The following NDST4 variants were observed in gnomAD, a reference collection of about 807,000 sequenced individuals.
The protein encoded by NDST4 is N-deacetylase and N-sulfotransferase 4.
A neutral mutation model predicts 100.8 loss-of-function variants in NDST4; 63 were observed. The observed-to-expected ratio is 0.62, with a 90% CI of 0.51 to 0.77. NDST4 has a LOEUF of 0.77. Ranked by LOEUF, NDST4 falls within the 30% of genes least tolerant of loss-of-function variation. The pLI is 0.00. For missense variants in NDST4, 943 were observed against 1,018.4 expected, an observed-to-expected ratio of 0.93 and a Z score of 1.01; for synonymous variants, 377 against 361.8, an observed-to-expected ratio of 1.04 and a Z score of -0.48.
chr4:114,858,817 A>G (rs1723856735), intron 7 of NDST4, among the ~76,000 whole-genome samples: 1 of 152,158 alleles, frequency 6.6e-6, no homozygotes, highest in African/African-American at 2.4e-5. Context: ...GGAAGATTCC[A>G]CCAGGAGACA....
chr4:114,845,353 C>A (rs941011921), intron 10 of NDST4, among the ~76,000 whole-genome samples: 1 of 152,088 alleles, frequency 6.6e-6, no homozygotes, highest in Non-Finnish European at 1.5e-5. Flanking sequence ...ATTATTTTCA[C>A]ATAAGTTGTT....
intron 2 of NDST4, among the ~76,000 whole-genome samples, chr4:114,986,899 T>C (rs992077706): frequency 6.7e-6 from 1 of 148,176 alleles, no homozygotes; most frequent in Admixed American, 6.8e-5. Context: ...AATTTTTTTG[T>C]CTTGTAAAAA....
intron 2 of NDST4, among the ~76,000 whole-genome samples, chr4:114,988,076 G>A (rs1726951101): frequency 6.6e-6 from 1 of 151,984 alleles, no homozygotes; most frequent in African/African-American, 2.4e-5. Context: ...TTGTTAAGGA[G>A]CTTCAAATAA....
At chr4:115,019,779 A>G (rs1727769324) in intron 2 of NDST4, among the ~76,000 whole-genome samples, 2 of 152,070 alleles carry the variant, frequency 1.3e-5, no homozygotes, top group South Asian at 2.1e-4. Flanking sequence ...GAATAATGCT[A>G]GTATTGGGGG....
chr4:114,985,096 T>C (rs17047545), intron 2 of NDST4, among the ~76,000 whole-genome samples: 4,069 of 152,294 alleles, frequency 0.027, 123 homozygotes, highest in African/African-American at 0.067. Context: ...GAGTGAATGC[T>C]TCTGATGACA....
intron 6 of NDST4, among the ~76,000 whole-genome samples, chr4:114,918,050 T>C (rs1725211229): frequency 6.6e-6 from 1 of 152,180 alleles, no homozygotes; most frequent in Non-Finnish European, 1.5e-5. Context: ...GCTCTCATAG[T>C]CCAGTTTTAG....
intron 1 of NDST4, among the ~76,000 whole-genome samples, chr4:115,091,532 A>G (rs1729519070): frequency 6.6e-6 from 1 of 152,286 alleles, no homozygotes; most frequent in Middle Eastern, 3.4e-3. Context: ...AATTGTGGCT[A>G]CAATTTCCAC....
chr4:114,911,185 C>T (rs1205031831), intron 6 of NDST4, among the ~76,000 whole-genome samples: 4 of 152,016 alleles, frequency 2.6e-5, no homozygotes, highest in African/African-American at 9.7e-5. Context: ...TGGCCTAGTT[C>T]GCATTGCGTG....
At chr4:114,910,021 G>C (rs1037568735) in intron 6 of NDST4, among the ~76,000 whole-genome samples, 1 of 152,096 alleles carries the variant, frequency 6.6e-6, no homozygotes, top group Non-Finnish European at 1.5e-5. Flanking sequence ...AGCTTATCTT[G>C]TCTGTTAAAC....
At position 115,088,091 on chromosome 4, in the gene NDST4, C is replaced by T. The variant is rs976336387; in HGVS notation, c.-246-10809G>A. ...CATTATTTTATTTCTATTTCCCCAACTTATACTATTTTGATGATTTCAATA... is the reference window on the plus strand; with the variant it reads ...CATTATTTTATTTCTATTTCCCCAATTTATACTATTTTGATGATTTCAATA... On this transcript the variant is annotated intron_variant, in intron 1 of 13. Coordinates refer to ENST00000264363, the MANE Select transcript of NDST4 (RefSeq NM_022569.3). Among the ~76,000 whole-genome samples the T allele has an allele frequency of 1.5e-4, 23 of 151,914 alleles. No homozygotes were observed. The East Asian group carries it at 4.3e-3, about 28-fold the overall frequency.
At position 115,076,288 on chromosome 4, in the gene NDST4, T is replaced by C. The variant is rs1329871294; in HGVS notation, c.749A>G (p.Lys250Arg). 2 of 1,613,984 alleles carry C rather than the reference T, an allele frequency of 1.2e-6. No homozygotes were observed. The highest frequency in any genetic ancestry group is 3.3e-5 in the Admixed American group (2 of 60,006). ...CTGAATCACCGTTGCAAAGAGTGTTTTGCTAGACAAGGATGACAGGGATTT... is the reference window on the plus strand; with the variant it reads ...CTGAATCACCGTTGCAAAGAGTGTTCTGCTAGACAAGGATGACAGGGATTT... The part of the protein sequence containing the change: ...TEKSLSSLSS[K>R]TLFATVIQDL... The change falls in exon 2 of 14, where the codon AAA becomes AGA. Residue 250 changes from lysine to arginine, a missense_variant. Lys to Arg is a conservative substitution (Grantham distance 26). Transcript: ENST00000264363.
chr4:115,053,380 A>C (rs998962392), intron 2 of NDST4, among the ~76,000 whole-genome samples: 1 of 152,158 alleles, frequency 6.6e-6, no homozygotes, highest in Admixed American at 6.6e-5. Context: ...CTTTACATTT[A>C]AGTAATTTTC....
At chr4:114,888,516 T>TA in intron 6 of NDST4, among the ~76,000 whole-genome samples, 1 of 152,196 alleles carries the variant, frequency 6.6e-6, no homozygotes. Flanking sequence ...GACTGCCTTA[T>TA]AATGCTCATT....
chr4:115,038,803 C>A (rs1728287721), intron 2 of NDST4, among the ~76,000 whole-genome samples: 1 of 152,050 alleles, frequency 6.6e-6, no homozygotes. Flanking sequence ...TAGTAAAACC[C>A]TGTGTCCACA....
intron 2 of NDST4, among the ~76,000 whole-genome samples, chr4:115,067,609 A>G (rs538932): frequency 0.24 from 36,541 of 151,688 alleles, 5,884 homozygotes; most frequent in East Asian, 0.46. Context: ...TCTGTTCATA[A>G]CAACCTGTCT....
At chr4:115,084,841 T>C (rs1435266958) in intron 1 of NDST4, among the ~76,000 whole-genome samples, 1 of 149,730 alleles carries the variant, frequency 6.7e-6, no homozygotes, top group African/African-American at 2.5e-5. Flanking sequence ...GAACCTCTTC[T>C]AGGACAGTGT....
In NDST4 at chr4:115,077,068, C is replaced by A; in HGVS notation, c.-32G>T. The A allele has an allele frequency of 6.5e-7, 1 of 1,548,538 alleles. No individual in the cohort carries two copies. The highest frequency in any genetic ancestry group is 1.3e-5 in the South Asian group (1 of 79,124). On this transcript the variant is annotated 5_prime_UTR_variant, in exon 2 of 14. Coordinates refer to ENST00000264363, the MANE Select transcript of NDST4 (RefSeq NM_022569.3). ...GAATAATGTTTTGGAAGCTTTTTCC[C>A]AATTTCGTTTCCTAAAGTGCCATAG...
chr4:115,037,678 A>G (rs1223684089), intron 2 of NDST4, among the ~76,000 whole-genome samples: 1 of 152,156 alleles, frequency 6.6e-6, no homozygotes, highest in Non-Finnish European at 1.5e-5. Context: ...TTTTAAATTA[A>G]TGACTAAATA....
At chr4:114,939,149 G>C (rs961602623) in intron 4 of NDST4, among the ~76,000 whole-genome samples, 8 of 152,164 alleles carry the variant, frequency 5.3e-5, no homozygotes, top group African/African-American at 1.9e-4. Context: ...CCAATGAGTG[G>C]TCACAAAGTG....
Sources: gnomAD v4.1 joint callset for allele counts (sites outside exome capture counted in the v4.1 genomes callset) on GRCh38, gnomAD v4.1.1 for gene constraint, MANE v1.5 for transcripts, NCBI Gene and HGNC (gene_info 2026-07-23, HGNC 2026-07-21) for gene names.